The following DNAH11 variants were observed in gnomAD, a reference collection of about 807,000 sequenced individuals.
DNAH11 encodes dynein axonemal heavy chain 11.
A neutral mutation model predicts 526.0 loss-of-function variants in DNAH11; 442 were observed. The observed-to-expected ratio is 0.84, with a 90% CI of 0.78 to 0.91. DNAH11 has a LOEUF of 0.91. Among genes scored for constraint, DNAH11 ranks in the 40% least tolerant of loss-of-function variants. The pLI, the probability that DNAH11 is intolerant of heterozygous loss-of-function variation, is 0.00. For synonymous variants in DNAH11, 2,461 were observed against 1,935.9 expected (o/e 1.27, Z -7.12); for missense variants, 6,989 against 5,448.7 (o/e 1.28, Z -8.90).
At chr7:21,727,002 C>T (rs62445305) in intron 45 of DNAH11, among the ~76,000 whole-genome samples, 68,883 of 117,670 alleles carry the variant, frequency 0.59, 20,497 homozygotes, top group South Asian at 0.67. Flanking sequence ...GGCGCGATCT[C>T]GGCTCACCGC....
intron 74 of DNAH11, among the ~76,000 whole-genome samples, chr7:21,879,474 A>C (rs1048368323): frequency 6.6e-6 from 1 of 152,012 alleles, no homozygotes; most frequent in African/African-American, 2.4e-5. Flanking sequence ...AACAAAAAAA[A>C]AACCTCACAG....
chr7:21,707,670 T>A (rs760581950), intron 39 of DNAH11, 29 bp from the exon 40 acceptor site: 8 of 1,599,664 alleles, frequency 5.0e-6, no homozygotes, highest in Non-Finnish European at 6.8e-6. Flanking sequence ...TAGTATTAAT[T>A]TTTTTGGCTC....
In DNAH11 at chr7:21,616,228, C is replaced by G; in HGVS notation, c.4031C>G (p.Thr1344Ser). 1 of 1,613,522 alleles carries G rather than the reference C, an allele frequency of 6.2e-7. No homozygotes were observed. Among genetic ancestry groups the G allele is most frequent in the Non-Finnish European group, 8.5e-7 (1 of 1,179,670 alleles). The change falls in exon 22 of 82, where the codon ACT becomes AGT. Residue 1344 changes from threonine to serine, a missense_variant. By Grantham distance (58) the Thr-to-Ser change is moderately conservative. Coordinates refer to ENST00000409508, the MANE Select transcript of DNAH11 (RefSeq NM_001277115.2). ...TTTCAGAGAAGCATTGATAATTGGA[C>G]TAAAACCCAGTGGAGACAGATTCAT... ...IYVRRSIDNW[T>S]KTQWRQIHVE...
intron 45 of DNAH11, among the ~76,000 whole-genome samples, chr7:21,731,441 G>A (rs983954267): frequency 6.6e-6 from 1 of 150,646 alleles, no homozygotes; most frequent in African/African-American, 2.4e-5. Context: ...TATATTTGTA[G>A]AATGGAAATC....
At chr7:21,630,105 G>GAGTC (rs1311127356) in intron 25 of DNAH11, among the ~76,000 whole-genome samples, 1 of 151,500 alleles carries the variant, frequency 6.6e-6, no homozygotes, top group East Asian at 1.9e-4. Context: ...TGGTTACCAT[G>GAGTC]AGTCGTAGAA....
intron 25 of DNAH11, among the ~76,000 whole-genome samples, chr7:21,623,515 C>T (rs994425796): frequency 9.7e-4 from 147 of 152,196 alleles, no homozygotes; most frequent in African/African-American, 3.1e-3. Flanking sequence ...CACATGCACA[C>T]GTATGTTTAT....
At position 21,818,360 on chromosome 7, in the gene DNAH11, A is replaced by G. The variant is rs966302922; in HGVS notation, c.10691+21A>G. On this transcript the variant is annotated intron_variant, in intron 65 of 81. Coordinates refer to ENST00000409508, the MANE Select transcript of DNAH11 (RefSeq NM_001277115.2). ...GGAAAGTAAGTATTCTTGAATTTTT[A>G]ACATATATATCTTGCTAAATGATTT... 8 of 1,604,940 alleles carry G rather than the reference A, an allele frequency of 5.0e-6. No individual in the cohort carries two copies. In the African/African-American group the frequency reaches 5.4e-5, roughly 11 times the overall value.
intron 66 of DNAH11, among the ~76,000 whole-genome samples, chr7:21,847,002 A>T (rs1396467971): frequency 6.6e-6 from 1 of 152,078 alleles, no homozygotes; most frequent in African/African-American, 2.4e-5. Flanking sequence ...AGATTCTTTT[A>T]TTATCCTTTA....
intron 56 of DNAH11, among the ~76,000 whole-genome samples, chr7:21,775,719 A>G (rs1583682402): frequency 1.3e-5 from 2 of 152,080 alleles, no homozygotes; most frequent in East Asian, 3.9e-4. Flanking sequence ...CTATCTGTCT[A>G]TCCTCTTCTG....
rs765586672 is a variant in DNAH11 at position 21,635,892 on chromosome 7, C to A, written c.4522C>A (p.Gln1508Lys). 3.1e-6 allele frequency: 5 copies of A among 1,611,218 alleles called. No homozygotes were observed. The highest frequency in any genetic ancestry group is 1.1e-5 in the South Asian group (1 of 90,384). The stretch of plus-strand genomic sequence containing the variant: ...TTAGGTTCAGTTGCAGACTCTTCTT[C>A]AAAGCAAGTATGTAGAATATTTCAT... ...HNQVQLQTLL[Q>K]SKYVEYFIEQ... Residue 1508 changes from glutamine to lysine, a missense_variant, in exon 26 of 82, where the codon CAA (glutamine) becomes AAA (lysine). Physicochemically the swap from Gln to Lys is moderately conservative, Grantham distance 53. Coordinates refer to ENST00000409508, the MANE Select transcript of DNAH11 (RefSeq NM_001277115.2).
intron 65 of DNAH11, among the ~76,000 whole-genome samples, chr7:21,819,449 A>G (rs1271068728): frequency 1.3e-5 from 2 of 152,212 alleles, no homozygotes; most frequent in African/African-American, 4.8e-5. Flanking sequence ...AGAACAATCT[A>G]ACAAGCCACT....
rs376276056 is a variant in DNAH11, at chr7:21,868,924, G to T, written c.11900G>T (p.Gly3967Val). 4.9e-5 allele frequency: 79 copies of T among 1,613,904 alleles called. No individual in the cohort carries two copies. Among genetic ancestry groups the T allele is most frequent in the Non-Finnish European group, 6.4e-5 (76 of 1,179,906 alleles). The change falls in exon 73 of 82, where the codon GGT becomes GTT. Residue 3967 changes from glycine (G) to valine (V), a missense_variant. Coordinates refer to ENST00000409508, the MANE Select transcript of DNAH11 (RefSeq NM_001277115.2). ...TTCCACAATGTGTCTTTAGGACAAG[G>T]TCAGGAGACGGTGGCAGAAGTGGCC... The part of the protein sequence containing the change: ...GKFHNVSLGQ[G>V]QETVAEVALE...
intron 25 of DNAH11, among the ~76,000 whole-genome samples, chr7:21,630,658 A>G (rs538348163): frequency 6.6e-6 from 1 of 152,026 alleles, no homozygotes; most frequent in Non-Finnish European, 1.5e-5. Context: ...TCCACTTTCT[A>G]CTGGCCTGTA....
intron 25 of DNAH11, among the ~76,000 whole-genome samples, chr7:21,626,559 C>G (rs1227768025): frequency 6.6e-6 from 1 of 152,104 alleles, no homozygotes; most frequent in African/African-American, 2.4e-5. Flanking sequence ...ATTTACATTT[C>G]TACCAACAGT....
At chr7:21,556,220 T>C (rs1783213346) in intron 2 of DNAH11, among the ~76,000 whole-genome samples, 1 of 152,218 alleles carries the variant, frequency 6.6e-6, no homozygotes, top group African/African-American at 2.4e-5. Flanking sequence ...TGACCCATTC[T>C]CTACATTCTG....
chr7:21,709,450 G>C (rs1038734265), intron 40 of DNAH11, among the ~76,000 whole-genome samples: 2 of 152,126 alleles, frequency 1.3e-5, no homozygotes, highest in African/African-American at 4.8e-5. Flanking sequence ...AGCAGCAGGG[G>C]ATGAAAAACT....
At chr7:21,555,375 C>G (rs1245499610) in intron 2 of DNAH11, among the ~76,000 whole-genome samples, 2 of 152,190 alleles carry the variant, frequency 1.3e-5, no homozygotes, top group African/African-American at 2.4e-5. Context: ...CAGAGGGAGT[C>G]TCTTTGGCTC....
At chr7:21,649,941 A>C (rs1170474336) in intron 28 of DNAH11, among the ~76,000 whole-genome samples, 3 of 152,160 alleles carry the variant, frequency 2.0e-5, no homozygotes, top group Non-Finnish European at 2.9e-5. Context: ...CTGGGATTAC[A>C]CACGTGAGCC....
chr7:21,729,971 G>A (rs10277324), intron 45 of DNAH11, among the ~76,000 whole-genome samples: 67,229 of 152,068 alleles, frequency 0.44, 16,841 homozygotes, highest in Non-Finnish European at 0.57. Context: ...TCAAAAAGAC[G>A]AAAGATAACA....
Sources: gnomAD v4.1 joint callset for allele counts (sites outside exome capture counted in the v4.1 genomes callset) on GRCh38, gnomAD v4.1.1 for gene constraint, MANE v1.5 for transcripts, NCBI Gene and HGNC (gene_info 2026-07-23, HGNC 2026-07-21) for gene names.